The following DMD variants were observed in gnomAD, a reference collection of about 807,000 sequenced individuals.
DMD encodes the protein mutant dystrophin.
A neutral mutation model predicts 330.1 loss-of-function variants in DMD; 63 were observed. The observed-to-expected ratio is 0.19, with a 90% CI of 0.16 to 0.24. DMD has a LOEUF of 0.24. Ranked by LOEUF, DMD falls within the 10% of genes least tolerant of loss-of-function variation. The pLI, the probability that DMD is intolerant of heterozygous loss-of-function variation, is 1.00. For synonymous variants in DMD, 1,223 were observed against 959.8 expected (o/e 1.27, Z -5.07); for missense variants, 3,344 against 2,684.1 (o/e 1.25, Z -5.43).
In DMD at chrX:32,441,275, C is replaced by T. The variant is rs1368655785; in HGVS notation, c.3826G>A (p.Glu1276Lys). ...ACWHELLSYLEKANKWLNEVE... is the reference protein window; with the variant it reads ...ACWHELLSYLKKANKWLNEVE... ...TCATTTAGCCACTTGTTTGCTTTCT[C>T]CAAGTATGACAATAACTCATGCCAA... Residue 1276 changes from glutamate (E) to lysine (K), a missense_variant, in exon 28 of 79, where the codon GAG becomes AAG. Coordinates refer to ENST00000357033, the MANE Select transcript of DMD (RefSeq NM_004006.3). 1 of 1,208,462 alleles carries T rather than the reference C, an allele frequency of 8.3e-7. No individual in the cohort carries two copies. Among genetic ancestry groups the T allele is most frequent in the Non-Finnish European group, 1.1e-6 (1 of 892,958 alleles).
chrX:32,960,512 C>A (rs1381706248), intron 2 of DMD, among the ~76,000 whole-genome samples: 2 of 112,050 alleles, frequency 1.8e-5, no homozygotes, highest in African/African-American at 6.5e-5. Flanking sequence ...GGAGCCTAAC[C>A]TTAAGTGCCA....
At chrX:33,214,845 G>T (rs1273589248), upstream of DMD, among the ~76,000 whole-genome samples, 3 of 111,526 alleles carry the variant, frequency 2.7e-5, no homozygotes, top group Non-Finnish European at 3.8e-5. Flanking sequence ...TAGAGACAGG[G>T]TCTTGTTATG....
chrX:31,898,923 A>G (rs977342325), intron 47 of DMD, among the ~76,000 whole-genome samples: 1 of 112,065 alleles, frequency 8.9e-6, no homozygotes. Context: ...GAAGGTTGCC[A>G]TTTAGTTAAT....
intron 3 of DMD, among the ~76,000 whole-genome samples, chrX:32,847,149 G>GT: frequency 8.9e-6 from 1 of 112,167 alleles, no homozygotes. Context: ...CTGCCTAGTA[G>GT]TTAGACCAAA....
At chrX:32,843,819 T>A (rs1352399072) in intron 4 of DMD, among the ~76,000 whole-genome samples, 1 of 111,668 alleles carries the variant, frequency 9.0e-6, no homozygotes, top group East Asian at 2.8e-4. Context: ...CACCAAGTGG[T>A]TCAGAGGAGA....
intron 55 of DMD, among the ~76,000 whole-genome samples, chrX:31,555,896 ACT>A (rs774720969): frequency 9.0e-6 from 1 of 110,969 alleles, no homozygotes; most frequent in Admixed American, 9.6e-5. Context: ...ATTTTAATAA[ACT>A]CTGTGATTCA....
intron 11 of DMD, among the ~76,000 whole-genome samples, chrX:32,615,093 A>G (rs35013456): frequency 0.25 from 27,673 of 110,688 alleles, 4,533 homozygotes; most frequent in African/African-American, 0.6. Flanking sequence ...CCAGCTCAGC[A>G]CAGCCCAAGG....
chrX:32,710,264 AG>A (rs971636770), intron 7 of DMD, among the ~76,000 whole-genome samples: 6 of 110,860 alleles, frequency 5.4e-5, no homozygotes, highest in Admixed American at 3.8e-4. Flanking sequence ...GAAAAAAAAA[AG>A]TAGAGTCCTT....
chrX:32,816,527 G>T lies in DMD; in HGVS notation c.471C>A (p.Ile157=). 1.7e-6 allele frequency: 2 copies of T among 1,211,458 alleles called. No homozygotes were observed. Among genetic ancestry groups the T allele is most frequent in the Non-Finnish European group, 2.2e-6 (2 of 895,228 alleles). Residue 157 remains isoleucine (I), a synonymous_variant, in exon 6 of 79, where the codon ATC becomes ATA. Coordinates refer to ENST00000357033, the MANE Select transcript of DMD (RefSeq NM_004006.3). ...STRNYPQVNV[I]NFTTSWSDGL... is the part of the protein sequence containing the mutation. ...CATCAGACCAGCTGGTGGTGAAGTT[G>T]ATTACATTAACCTGTGGATAATTAC...
chrX:31,583,497 C>T (rs1260800356), intron 55 of DMD, among the ~76,000 whole-genome samples: 1 of 110,722 alleles, frequency 9.0e-6, no homozygotes, highest in Non-Finnish European at 1.9e-5. Flanking sequence ...AGGGGGTAGG[C>T]TATTGATTTT....
chrX:32,977,050 G>T (rs1295112735), intron 2 of DMD, among the ~76,000 whole-genome samples: 1 of 111,564 alleles, frequency 9.0e-6, no homozygotes, highest in Admixed American at 9.6e-5. Context: ...CAACACATTG[G>T]GAGTCCAAGG....
intron 44 of DMD, among the ~76,000 whole-genome samples, chrX:32,076,051 TCAAAAAAAAAAAAA>T (rs2096343411): frequency 4.9e-5 from 1 of 20,560 alleles, no homozygotes; most frequent in East Asian, 1.5e-3. Flanking sequence ...AGACTCTGTC[TCAAAAAAAAAAAAA>T]AAAAAAAAAA....
chrX:32,337,890 G>A, intron 41 of DMD, among the ~76,000 whole-genome samples: 2 of 111,231 alleles, frequency 1.8e-5, no homozygotes, highest in Admixed American at 1.9e-4. Flanking sequence ...CTTATTTACA[G>A]AGAAAACAAT....
chrX:32,625,339 G>A (rs1018340581), intron 11 of DMD, among the ~76,000 whole-genome samples: 3 of 111,181 alleles, frequency 2.7e-5, no homozygotes, highest in South Asian at 7.5e-4. Context: ...GGCTAGTAAG[G>A]CTCAGAAACT....
chrX:31,824,214 G>T (rs192047828), intron 49 of DMD, among the ~76,000 whole-genome samples: 1 of 111,655 alleles, frequency 9.0e-6, no homozygotes, highest in African/African-American at 3.3e-5. Context: ...ACATGGGTAT[G>T]TATGTGAAAG....
At chrX:32,927,836 A>C (rs1412240637) in intron 2 of DMD, among the ~76,000 whole-genome samples, 1 of 110,901 alleles carries the variant, frequency 9.0e-6, no homozygotes, top group East Asian at 2.8e-4. Flanking sequence ...CACACGGATT[A>C]TTTGATTTAG....
At chrX:31,941,249 G>C (rs1354734020) in intron 45 of DMD, among the ~76,000 whole-genome samples, 1 of 111,621 alleles carries the variant, frequency 9.0e-6, no homozygotes, top group Non-Finnish European at 1.9e-5. Context: ...AATTAAGAGG[G>C]TATGACTTCA....
At chrX:32,784,345 C>A (rs2075168971) in intron 7 of DMD, among the ~76,000 whole-genome samples, 1 of 111,737 alleles carries the variant, frequency 8.9e-6, no homozygotes, top group African/African-American at 3.3e-5. Flanking sequence ...CACTGAGTTT[C>A]ACTTGTAAAA....
chrX:31,738,050 G>A (rs1295551536), intron 51 of DMD, among the ~76,000 whole-genome samples: 2 of 111,961 alleles, frequency 1.8e-5, no homozygotes, highest in Non-Finnish European at 3.8e-5. Context: ...GGGAAGCAGC[G>A]AACTTGCAGA....
Sources: gnomAD v4.1 joint callset for allele counts (sites outside exome capture counted in the v4.1 genomes callset) on GRCh38, gnomAD v4.1.1 for gene constraint, MANE v1.5 for transcripts, NCBI Gene and HGNC (gene_info 2026-07-23, HGNC 2026-07-21) for gene names.